Variants in RBPJ observed in about 807,000 individuals in gnomAD.
The protein encoded by RBPJ is recombining binding protein suppressor of hairless.
In RBPJ, 9 loss-of-function variants were observed where a neutral mutation model predicts 67.8. The ratio of observed to expected loss-of-function variants is 0.13; its 90% CI spans 0.08 to 0.23. The LOEUF is 0.23. RBPJ is among the 10% of genes least tolerant of loss of function. The pLI, the probability that RBPJ is intolerant of heterozygous loss-of-function variation, is 1.00. For missense variants in RBPJ, 305 were observed against 595.6 expected (o/e 0.51, Z 5.08); for synonymous variants, 198 against 203.3 (o/e 0.97, Z 0.22).
At chr4:26,170,594 G>A (rs1716542299) in intron 1 of RBPJ, among the ~76,000 whole-genome samples, 1 of 151,558 alleles carries the variant, frequency 6.6e-6, no homozygotes, top group African/African-American at 2.4e-5. Flanking sequence ...TATCTCAGAA[G>A]CAGAATGATA....
rs7655165 is a variant in RBPJ at position 26,383,713 on chromosome 4, G to A, written c.21-2640G>A. On this transcript the variant is annotated intron_variant, in intron 1 of 10. Transcript: ENST00000355476. Reference sequence around the variant, plus strand: ...GTATGCTACAGTGGTACATTTAATCGGTGTAAAAAATTGTTTTGTGGAAAA... The same window carrying A: ...GTATGCTACAGTGGTACATTTAATCAGTGTAAAAAATTGTTTTGTGGAAAA... Among the ~76,000 whole-genome samples, 85,354 of 151,890 alleles carry A rather than the reference G, an allele frequency of 0.56. 24,150 individuals are homozygous for A. Among genetic ancestry groups the A allele is most frequent in the Admixed American group, 0.66 (10,008 of 15,268 alleles).
At chr4:26,399,714 T>TG (rs1732566413) in intron 2 of RBPJ, among the ~76,000 whole-genome samples, 1 of 152,118 alleles carries the variant, frequency 6.6e-6, no homozygotes, top group Admixed American at 6.5e-5. Context: ...TTGTTTGAGA[T>TG]GGAGTCTGTC....
intron 1 of RBPJ, among the ~76,000 whole-genome samples, chr4:26,256,456 A>C (rs1220044192): frequency 6.6e-6 from 1 of 152,218 alleles, no homozygotes; most frequent in Non-Finnish European, 1.5e-5. Flanking sequence ...ACAATTTTTA[A>C]ATGACTATTT....
At chr4:26,314,441 C>T (rs571226377) in intron 1 of RBPJ, among the ~76,000 whole-genome samples, 33 of 152,236 alleles carry the variant, frequency 2.2e-4, no homozygotes, top group Non-Finnish European at 4.3e-4. Context: ...TCTGTGTCTC[C>T]GCCCAAATCT....
At chr4:26,356,836 G>T (rs1450458907) in intron 1 of RBPJ, among the ~76,000 whole-genome samples, 1 of 152,216 alleles carries the variant, frequency 6.6e-6, no homozygotes, top group Non-Finnish European at 1.5e-5. Flanking sequence ...TAGTTGCAAA[G>T]ATATGTGCAG....
In RBPJ at chr4:26,430,597, A is replaced by G. The variant is rs1321648895; in HGVS notation, c.1148+75A>G. Reference sequence around the variant, plus strand: ...TACAGGAGATTCTTTCCTGGCACTGATTGTAATGTATTAAACAACCTTGTG... The same window carrying G: ...TACAGGAGATTCTTTCCTGGCACTGGTTGTAATGTATTAAACAACCTTGTG... On this transcript the variant is annotated intron_variant, in intron 10 of 10. Transcript: ENST00000355476. This position sits in a 1 kb window ranked among gnomAD's most constrained non-coding sequence, Gnocchi z 4.1. The G allele has an allele frequency of 1.6e-5, 24 of 1,523,108 alleles. No individual in the cohort carries two copies. Among genetic ancestry groups the G allele is most frequent in the Non-Finnish European group, 1.9e-5 (21 of 1,114,702 alleles). 94.3% of individuals were successfully genotyped at this position (1,523,108 alleles called of 1,614,324 possible). A position where few individuals can be genotyped will look rare whatever the true frequency, so the allele number is the denominator to read the frequency against.
chr4:26,114,925 A>G, the RBPJ span, among the ~76,000 whole-genome samples: 1 of 152,192 alleles, frequency 6.6e-6, no homozygotes, highest in African/African-American at 2.4e-5. Flanking sequence ...GGTAATAAAT[A>G]CCCAACACTC....
intron 1 of RBPJ, among the ~76,000 whole-genome samples, chr4:26,270,707 G>GT (rs544117629): frequency 6.6e-6 from 1 of 151,446 alleles, no homozygotes; most frequent in Admixed American, 6.6e-5. Flanking sequence ...AGCATGGAGG[G>GT]TTTTTTGGAA....
intron 1 of RBPJ, among the ~76,000 whole-genome samples, chr4:26,326,492 G>A (rs1723643920): frequency 6.6e-6 from 1 of 151,970 alleles, no homozygotes; most frequent in African/African-American, 2.4e-5. Context: ...AGATTAAACC[G>A]TAGAACACTG....
chr4:26,182,232 C>T (rs1269369333), intron 1 of RBPJ, among the ~76,000 whole-genome samples: 3 of 151,962 alleles, frequency 2.0e-5, no homozygotes, highest in African/African-American at 7.2e-5. Context: ...GTCCCAGTTA[C>T]TCGGGAGGCT....
chr4:26,340,089 A>G (rs748531422), intron 1 of RBPJ, among the ~76,000 whole-genome samples: 4 of 152,244 alleles, frequency 2.6e-5, no homozygotes, highest in Non-Finnish European at 5.9e-5. Flanking sequence ...TACCAGTACT[A>G]TATGCTAGTA....
At chr4:26,271,036 TTA>T (rs1720901085) in intron 1 of RBPJ, among the ~76,000 whole-genome samples, 1 of 137,982 alleles carries the variant, frequency 7.2e-6, no homozygotes, top group African/African-American at 3.5e-5. Context: ...TATTTTGTTA[TTA>T]ATTATTGTTA....
At chr4:26,366,277 T>G (rs571149178) in intron 1 of RBPJ, among the ~76,000 whole-genome samples, 67 of 152,144 alleles carry the variant, frequency 4.4e-4, no homozygotes, top group South Asian at 2.7e-3. Context: ...CAGTAGTTTT[T>G]TTTTGTTTTG....
intron 1 of RBPJ, among the ~76,000 whole-genome samples, chr4:26,372,899 T>G (rs1263803590): frequency 6.6e-6 from 1 of 152,196 alleles, no homozygotes; most frequent in Non-Finnish European, 1.5e-5. Flanking sequence ...GAGGCTTGAG[T>G]GAGCAGATAC....
intron 1 of RBPJ, among the ~76,000 whole-genome samples, chr4:26,376,648 G>T (rs4692532): frequency 0.5 from 75,540 of 152,054 alleles, 20,017 homozygotes; most frequent in Admixed American, 0.62. Flanking sequence ...ATATGCTCAG[G>T]AGTGGAACTG....
the RBPJ span, among the ~76,000 whole-genome samples, chr4:26,151,260 A>G: frequency 6.6e-6 from 1 of 152,272 alleles, no homozygotes; most frequent in Non-Finnish European, 1.5e-5. Context: ...CTAGAGAAAA[A>G]AATTAGTCAG....
intron 1 of RBPJ, among the ~76,000 whole-genome samples, chr4:26,199,881 A>G (rs1185203236): frequency 6.6e-6 from 1 of 152,234 alleles, no homozygotes; most frequent in Non-Finnish European, 1.5e-5. Context: ...CTTAAAACAC[A>G]TGCACAGAAA....
At chr4:26,150,558 C>T in the RBPJ span, among the ~76,000 whole-genome samples, 3 of 152,180 alleles carry the variant, frequency 2.0e-5, no homozygotes, top group African/African-American at 7.2e-5. Context: ...GCTGTGCAGC[C>T]TTACGGAAGC....
intron 1 of RBPJ, among the ~76,000 whole-genome samples, chr4:26,338,892 G>A (rs1423606199): frequency 6.6e-6 from 1 of 150,764 alleles, no homozygotes; most frequent in African/African-American, 2.4e-5. Flanking sequence ...TGTGTGTTTG[G>A]AGACAGAATC....
Sources: gnomAD v4.1 joint callset for allele counts (sites outside exome capture counted in the v4.1 genomes callset) on GRCh38, gnomAD v4.1.1 for gene constraint, Gnocchi (gnomAD v3.1) non-coding constraint, MANE v1.5 for transcripts, NCBI Gene and HGNC (gene_info 2026-07-23, HGNC 2026-07-21) for gene names.